The following MORC3 variants were observed in gnomAD, a reference collection of about 807,000 sequenced individuals.
MORC3 encodes MORC family CW-type zinc finger 3.
In MORC3, 31 loss-of-function variants were observed where a neutral mutation model predicts 109.1. The observed-to-expected ratio is 0.28, with a 90% CI of 0.21 to 0.38. MORC3 has a LOEUF of 0.38. MORC3 is among the 10% of genes least tolerant of loss of function. The probability of loss-of-function intolerance (pLI) is 1.00; values close to 1 mark genes in which losing one functional copy is unlikely to be tolerated. For missense variants in MORC3, 867 were observed against 1,135.8 expected (o/e 0.76, Z 3.40); for synonymous variants, 395 against 380.7 (o/e 1.04, Z -0.44).
At chr21:36,333,196 C>T (rs11911904) in intron 1 of MORC3, among the ~76,000 whole-genome samples, 8,748 of 152,182 alleles carry the variant, frequency 0.057, 804 homozygotes, top group African/African-American at 0.2. Flanking sequence ...AGTCACAGTG[C>T]CAGAAAAACT....
intron 15 of MORC3, among the ~76,000 whole-genome samples, chr21:36,371,813 TTG>T (rs1386105178): frequency 0.062 from 8,713 of 140,878 alleles, 785 homozygotes; most frequent in African/African-American, 0.22. Context: ...TTGTTTTGTT[TTG>T]TTTTTTTTTT....
chr21:36,343,529 A>G (rs1234911427), intron 6 of MORC3, among the ~76,000 whole-genome samples: 1 of 144,408 alleles, frequency 6.9e-6, no homozygotes, highest in Non-Finnish European at 1.5e-5. Flanking sequence ...GCTCACCACA[A>G]CCTCCGGCTC....
At chr21:36,340,762 G>A (rs1272808966) in intron 5 of MORC3, among the ~76,000 whole-genome samples, 8 of 151,036 alleles carry the variant, frequency 5.3e-5, no homozygotes, top group African/African-American at 1.5e-4. Context: ...TCATCCTCCC[G>A]TGTGGCTGGG....
chr21:36,361,036 C>T (rs914467284), intron 12 of MORC3, among the ~76,000 whole-genome samples: 11 of 150,100 alleles, frequency 7.3e-5, no homozygotes, highest in South Asian at 2.1e-4. Context: ...CGCATCACTG[C>T]ACTCCAGCTT....
intron 4 of MORC3, 38 bp downstream of exon 4, chr21:36,337,984 C>A: frequency 6.3e-7 from 1 of 1,591,908 alleles, no homozygotes; most frequent in East Asian, 2.2e-5. Context: ...TGTGGAGAAA[C>A]TGAAGAAATA....
At chr21:36,354,448 G>T (rs2085620947) in intron 9 of MORC3, among the ~76,000 whole-genome samples, 1 of 151,576 alleles carries the variant, frequency 6.6e-6, no homozygotes, top group Non-Finnish European at 1.5e-5. Flanking sequence ...AGGACTACAG[G>T]CACACGCCAT....
chr21:36,349,667 C>T (rs1398179944), intron 9 of MORC3, among the ~76,000 whole-genome samples: 2 of 152,182 alleles, frequency 1.3e-5, no homozygotes, highest in African/African-American at 4.8e-5. Flanking sequence ...TAAAAATCCA[C>T]AAGGTGGCAA....
chr21:36,350,222 A>T (rs920388308), intron 9 of MORC3, among the ~76,000 whole-genome samples: 1 of 152,094 alleles, frequency 6.6e-6, no homozygotes, highest in Non-Finnish European at 1.5e-5. Context: ...CAGGAGGATC[A>T]TTTGAGCCTG....
chr21:36,364,107 G>A lies in MORC3; in HGVS notation c.1467G>A (p.Leu489=), dbSNP rs1310522976. ...PEMIPRINAE[L]LFRPTALSTP... ...CCCTCCAACAGATTAATGCTGAACTGTTGTTTCGGCCAACTGCTCTTTCAA... is the reference window on the plus strand; with the variant it reads ...CCCTCCAACAGATTAATGCTGAACTATTGTTTCGGCCAACTGCTCTTTCAA... The change falls in exon 14 of 17, where the codon CTG becomes CTA. Residue 489 remains leucine, a synonymous_variant. Transcript: ENST00000400485. 6.2e-7 allele frequency: 1 copy of A among 1,614,002 alleles called. No homozygotes were observed. The highest frequency in any genetic ancestry group is 1.7e-5 in the Admixed American group (1 of 59,916).
chr21:36,353,500 G>T (rs1312090645), intron 9 of MORC3, among the ~76,000 whole-genome samples: 1 of 151,754 alleles, frequency 6.6e-6, no homozygotes, highest in African/African-American at 2.4e-5. Flanking sequence ...CAGCACTTTG[G>T]GAGGCTGATG....
At chr21:36,355,542 G>C (rs996319398) in intron 9 of MORC3, among the ~76,000 whole-genome samples, 2 of 152,082 alleles carry the variant, frequency 1.3e-5, no homozygotes, top group South Asian at 2.1e-4. Context: ...AAAGCAGTAG[G>C]GTTAGCCTGT....
At chr21:36,333,847 G>C (rs149379275) in intron 2 of MORC3, 129 bp downstream of exon 2, 1 of 709,874 alleles carries the variant, frequency 1.4e-6, no homozygotes, top group African/African-American at 1.8e-5. Flanking sequence ...CAGTGGCGCA[G>C]TCTCGGCTCA....
rs1010669921 is a variant in MORC3 at position 36,373,241 on chromosome 21, C to T, written c.2666+710C>T. ...TGTAGTCCCAGCTACTCGGGAGGCT[C>T]AGGCAGGAGAATCGCTTGAACCTAG... On this transcript the variant is annotated intron_variant, in intron 16 of 16. Coordinates refer to ENST00000400485, the MANE Select transcript of MORC3 (RefSeq NM_015358.3). Among the ~76,000 whole-genome samples, 5 of 151,582 alleles carry T rather than the reference C, an allele frequency of 3.3e-5. No homozygotes were observed. In the East Asian group the frequency reaches 9.8e-4, roughly 30 times the overall value.
At chr21:36,366,025 A>G (rs2085777307) in intron 14 of MORC3, among the ~76,000 whole-genome samples, 1 of 152,202 alleles carries the variant, frequency 6.6e-6, no homozygotes. Context: ...ATAAGAGATT[A>G]AAGGTATTTT....
intron 15 of MORC3, among the ~76,000 whole-genome samples, chr21:36,370,697 G>A (rs1245590972): frequency 3.6e-5 from 4 of 109,672 alleles, no homozygotes; most frequent in Admixed American, 1.3e-4. Context: ...ACAGAATTTC[G>A]CTCTGTTGCC....
Position 36,369,677 on chromosome 21 carries a change from T to C in MORC3, c.2309T>C (p.Val770Ala). ...AAATCTGAAAGTCCAGACCATATGG[T>C]ATCTCAGTATCAGCAAGCTTTGGAA... ...NGKSESPDHM[V>A]SQYQQALEEI... The change falls in exon 15 of 17, where the codon GTA (valine) becomes GCA (alanine). Residue 770 changes from valine to alanine, a missense_variant. Val to Ala is a moderately conservative substitution (Grantham distance 64). Around this residue, in one of 7 missense-constraint regions of MORC3, gnomAD observed 486 missense variants for 502.1 expected, o/e 0.97. Coordinates refer to ENST00000400485, the MANE Select transcript of MORC3 (RefSeq NM_015358.3). The C allele has an allele frequency of 6.2e-7, 1 of 1,614,206 alleles. No individual in the cohort carries two copies. The highest frequency in any genetic ancestry group is 8.5e-7 in the Non-Finnish European group (1 of 1,180,038).
chr21:36,321,349 G>C (rs1048577406), intron 1 of MORC3, among the ~76,000 whole-genome samples: 9 of 151,904 alleles, frequency 5.9e-5, no homozygotes, highest in African/African-American at 2.2e-4. Flanking sequence ...AGTCTTTGTG[G>C]TTTTTTGTTT....
chr21:36,360,404 A>T (rs2085699957), intron 12 of MORC3, 146 bp downstream of exon 12: 1 of 743,296 alleles, frequency 1.3e-6, no homozygotes, highest in Admixed American at 2.9e-5. Flanking sequence ...CAAGGGCTTT[A>T]AAAACAAAAA....
chr21:36,345,176 T>A, intron 8 of MORC3, 145 bp downstream of exon 8: 1 of 879,552 alleles, frequency 1.1e-6, no homozygotes, highest in Non-Finnish European at 1.7e-6. Context: ...AATAACACTG[T>A]GGTATTTGAA....
Sources: allele counts gnomAD v4.1 joint callset (sites outside exome capture counted in the v4.1 genomes callset), GRCh38; gene constraint gnomAD v4.1.1; regional missense constraint gnomAD v4.1.1; transcripts MANE v1.5; gene names NCBI Gene and HGNC (gene_info 2026-07-23, HGNC 2026-07-21).